The following TIAM2 variants were observed in gnomAD, a reference collection of about 807,000 sequenced individuals.
TIAM2 encodes the protein rho guanine nucleotide exchange factor TIAM2.
Under a neutral mutation model 152.9 loss-of-function variants are expected in TIAM2, and 80 were observed. That is an observed-to-expected ratio of 0.52 (90% CI 0.44 to 0.63). The LOEUF (loss-of-function observed/expected upper bound fraction) is 0.63, where lower values mean the gene tolerates loss of function less well. Ranked by LOEUF, TIAM2 falls within the 30% of genes least tolerant of loss-of-function variation. The pLI is 0.00. For missense variants in TIAM2, 1,965 were observed against 2,120.1 expected (o/e 0.93, Z 1.44); for synonymous variants, 804 against 838.0 (o/e 0.96, Z 0.70).
chr6:155,226,210 T>A (rs1005673436), intron 15 of TIAM2, among the ~76,000 whole-genome samples: 1 of 152,202 alleles, frequency 6.6e-6, no homozygotes, highest in African/African-American at 2.4e-5. Flanking sequence ...CTTTGATCCA[T>A]GAAACCTGAA....
chr6:155,179,078 C>T lies in TIAM2; in HGVS notation c.2563C>T (p.Arg855Ter), dbSNP rs370100446. The T allele has an allele frequency of 6.2e-7, 1 of 1,613,910 alleles. No individual in the cohort carries two copies. The highest frequency in any genetic ancestry group is 1.3e-5 in the African/African-American group (1 of 74,890). Residue 855 changes from arginine (R) to a stop codon, truncating the protein, a stop_gained, in exon 11 of 27, where the codon CGA becomes TGA. Transcript: ENST00000682666. LOFTEE classifies it high-confidence loss of function. ...LEPSHYGLQLRKLVDDNVEYC... is the reference protein window; with the variant it reads ...LEPSHYGLQL ...ACCCAGCCATTATGGCCTACAGCTT[C>T]GAAAATTAGTAGATGACAATGTTGA... is the stretch of plus-strand genomic sequence containing the variant.
chr6:155,091,976 C>A (rs1778315696), intron 2 of TIAM2, among the ~76,000 whole-genome samples: 1 of 152,228 alleles, frequency 6.6e-6, no homozygotes, highest in Non-Finnish European at 1.5e-5. Context: ...TGGCTCACTG[C>A]AACCTCGACC....
chr6:155,128,869 A>T (rs774367743), intron 3 of TIAM2, among the ~76,000 whole-genome samples: 11 of 152,132 alleles, frequency 7.2e-5, no homozygotes, highest in Non-Finnish European at 1.3e-4. Flanking sequence ...TCTGTCTCAA[A>T]AAAAAAGCAA....
At chr6:155,242,637 G>A (rs1354076745) in intron 16 of TIAM2, among the ~76,000 whole-genome samples, 1 of 152,188 alleles carries the variant, frequency 6.6e-6, no homozygotes, top group African/African-American at 2.4e-5. Flanking sequence ...AGCTGACTTT[G>A]CAGTCAACTG....
intron 12 of TIAM2, among the ~76,000 whole-genome samples, chr6:155,181,553 C>T (rs755800514): frequency 9.2e-5 from 14 of 152,084 alleles, no homozygotes; most frequent in Non-Finnish European, 1.6e-4. Flanking sequence ...CAATGTTGTG[C>T]TACCATCATC....
chr6:155,242,901 AT>A (rs527800448), intron 16 of TIAM2, among the ~76,000 whole-genome samples: 210 of 131,874 alleles, frequency 1.6e-3, no homozygotes, highest in Admixed American at 4.7e-3. Flanking sequence ...ACACCCAGCT[AT>A]TTTTTTTTTT....
At chr6:155,212,162 G>A (rs1451935197) in intron 15 of TIAM2, among the ~76,000 whole-genome samples, 3 of 152,172 alleles carry the variant, frequency 2.0e-5, no homozygotes, top group African/African-American at 7.2e-5. Flanking sequence ...TAATGCTGGA[G>A]TGAATGTTGG....
chr6:155,248,567 C>T (rs897115896), intron 20 of TIAM2, among the ~76,000 whole-genome samples: 2 of 152,196 alleles, frequency 1.3e-5, no homozygotes, highest in Admixed American at 6.5e-5. Context: ...GTTCGCTGCC[C>T]GAGCTGCTGG....
At position 155,179,403 on chromosome 6, in the gene TIAM2, C is replaced by T; in HGVS notation, c.2654C>T (p.Pro885Leu). Residue 885 changes from proline (P) to leucine (L), a missense_variant, in exon 12 of 27, where the codon CCA becomes CTA. Pro to Leu is a moderately conservative substitution (Grantham distance 98). Around this residue, in one of 3 missense-constraint regions of TIAM2, gnomAD observed 1,025 missense variants for 1,119.4 expected, o/e 0.92. Coordinates refer to ENST00000682666, the MANE Select transcript of TIAM2 (RefSeq NM_012454.4). The stretch of plus-strand genomic sequence containing the variant: ...GTTTATGATGAAATAGAAGTCTTTC[C>T]ACTAAATGTTTATGACGTGCAGCTC... ...QQVYDEIEVF[P>L]LNVYDVQLTK... 6.2e-7 allele frequency: 1 copy of T among 1,613,916 alleles called. No individual in the cohort carries two copies. The highest frequency in any genetic ancestry group is 1.1e-5 in the South Asian group (1 of 90,964).
intron 1 of TIAM2, among the ~76,000 whole-genome samples, chr6:155,015,573 A>G (rs1378442697): frequency 6.6e-6 from 1 of 152,002 alleles, no homozygotes; most frequent in Non-Finnish European, 1.5e-5. Flanking sequence ...AGAGAAGGGG[A>G]CTCAGAAAGA....
intron 17 of TIAM2, 121 bp from the exon 18 acceptor site, chr6:155,244,537 T>G (rs550686492): frequency 1.6e-6 from 2 of 1,244,372 alleles, no homozygotes; most frequent in East Asian, 4.7e-5. Context: ...TTAAAGGATT[T>G]ACTTTCTGTC....
At chr6:155,094,825 C>T (rs1191281638) in intron 2 of TIAM2, among the ~76,000 whole-genome samples, 2 of 151,170 alleles carry the variant, frequency 1.3e-5, no homozygotes, top group South Asian at 2.1e-4. Context: ...TCAAGTGATC[C>T]GCCCGCGTCA....
chr6:155,028,859 T>A (rs1776712782), intron 1 of TIAM2, among the ~76,000 whole-genome samples: 1 of 127,432 alleles, frequency 7.8e-6, no homozygotes, highest in Non-Finnish European at 1.6e-5. Flanking sequence ...ATATACACTG[T>A]ATATACTATC....
At chr6:155,197,786 G>C (rs188202301) in intron 14 of TIAM2, among the ~76,000 whole-genome samples, 90 of 152,206 alleles carry the variant, frequency 5.9e-4, no homozygotes, top group Admixed American at 1.8e-3. Flanking sequence ...GCTGTCACCA[G>C]AACAGCATGG....
intron 16 of TIAM2, 108 bp downstream of exon 16, chr6:155,240,817 A>AGG: frequency 8.7e-7 from 1 of 1,146,422 alleles, no homozygotes; most frequent in African/African-American, 1.5e-5. Flanking sequence ...GCCACTCCCC[A>AGG]GGGGGGGACA....
At position 155,248,026 on chromosome 6, in the gene TIAM2, T is replaced by C; in HGVS notation, c.3679T>C (p.Phe1227Leu). The change falls in exon 20 of 27, where the codon TTT (phenylalanine) becomes CTT (leucine). Residue 1227 changes from phenylalanine (F) to leucine (L), a missense_variant. By Grantham distance (22) the Phe-to-Leu change is conservative. Transcript: ENST00000682666. Reference protein sequence around the residue: ...RAKTDKAFKAFLDARNPTKQH... With the variant: ...RAKTDKAFKALLDARNPTKQH... The stretch of plus-strand genomic sequence containing the variant: ...TAAAACTGACAAAGCCTTCAAGGCT[T>C]TTCTGGACGCCCGGAACCCCACCAA... The C allele has an allele frequency of 6.2e-7, 1 of 1,614,156 alleles. No homozygotes were observed. The highest frequency in any genetic ancestry group is 1.3e-5 in the African/African-American group (1 of 75,050).
chr6:155,182,339 C>A (rs1193770221), intron 13 of TIAM2, 21 bp downstream of exon 13: 2 of 1,592,998 alleles, frequency 1.3e-6, no homozygotes, highest in African/African-American at 1.3e-5. Context: ...CACACCGTGC[C>A]CCTGTTGCCT....
intron 2 of TIAM2, among the ~76,000 whole-genome samples, chr6:155,115,365 C>T (rs759205036): frequency 6.6e-6 from 1 of 151,956 alleles, no homozygotes; most frequent in African/African-American, 2.4e-5. Flanking sequence ...TTAAAATGGC[C>T]TGGTGTGGTG....
rs372799385 is a variant in TIAM2 at position 155,254,409 on chromosome 6, C to A, written c.4314-10C>A. On this transcript the variant is annotated splice_polypyrimidine_tract_variant and intron_variant, in intron 25 of 26. Transcript: ENST00000682666. ...GACACTTCTGCTGTTTTCTCTCCCC[C>A]CCCACCCAGTGACAGTGAAAGCAAA... The A allele has an allele frequency of 1.7e-5, 27 of 1,610,304 alleles. No individual in the cohort carries two copies. Among genetic ancestry groups the A allele is most frequent in the Middle Eastern group, 1.6e-4 (1 of 6,074 alleles).
Sources: gnomAD v4.1 joint callset for allele counts (sites outside exome capture counted in the v4.1 genomes callset) on GRCh38, gnomAD v4.1.1 for gene constraint, gnomAD v4.1.1 regional missense constraint, MANE v1.5 for transcripts, NCBI Gene and HGNC (gene_info 2026-07-23, HGNC 2026-07-21) for gene names.